The following PDE8A variants were observed in gnomAD, a reference collection of about 807,000 sequenced individuals.
PDE8A encodes high affinity cAMP-specific and IBMX-insensitive 3',5'-cyclic phosphodiesterase 8A.
PDE8A carries 59 observed loss-of-function variants against 105.0 expected under a neutral mutation model. That is an observed-to-expected ratio of 0.56 (90% CI 0.46 to 0.70). The LOEUF is 0.70. Among genes scored for constraint, PDE8A ranks in the 30% least tolerant of loss-of-function variants. PDE8A has a pLI of 0.00. For synonymous variants in PDE8A, 355 were observed against 371.9 expected, an observed-to-expected ratio of 0.95 and a Z score of 0.52; for missense variants, 1,014 against 1,045.9, an observed-to-expected ratio of 0.97 and a Z score of 0.42.
chr15:85,106,819 CG>C (rs1304988638), intron 11 of PDE8A, among the ~76,000 whole-genome samples: 2 of 152,304 alleles, frequency 1.3e-5, no homozygotes, highest in African/African-American at 4.8e-5. Context: ...ATCTCTGAGA[CG>C]CTGAAGGATT....
At chr15:85,025,794 A>G (rs535140877) in intron 1 of PDE8A, among the ~76,000 whole-genome samples, 44 of 152,316 alleles carry the variant, frequency 2.9e-4, no homozygotes, top group Middle Eastern at 6.8e-3. Context: ...ACATCAGGTT[A>G]TCCTTAGGAA....
At chr15:85,107,433 A>G (rs757368300) in intron 11 of PDE8A, among the ~76,000 whole-genome samples, 1 of 152,214 alleles carries the variant, frequency 6.6e-6, no homozygotes, top group Non-Finnish European at 1.5e-5. Context: ...CCTGCAGAGA[A>G]TAAGTTGAAA....
At chr15:85,004,102 TAAG>T (rs2080108344) in intron 1 of PDE8A, among the ~76,000 whole-genome samples, 1 of 152,230 alleles carries the variant, frequency 6.6e-6, no homozygotes, top group Admixed American at 6.5e-5. Context: ...GTGTGCCCAA[TAAG>T]AAGAGGAACT....
intron 20 of PDE8A, among the ~76,000 whole-genome samples, chr15:85,130,314 A>AGGG (rs2141646626): frequency 6.6e-6 from 1 of 152,292 alleles, no homozygotes; most frequent in South Asian, 2.1e-4. Context: ...TGTGATTTGG[A>AGGG]GGGGACAGAC....
At chr15:85,094,189 TC>T (rs144608725) in intron 8 of PDE8A, among the ~76,000 whole-genome samples, 3 of 152,046 alleles carry the variant, frequency 2.0e-5, no homozygotes. Flanking sequence ...ATTTTTTTTT[TC>T]CCTCCCTCAG....
intron 1 of PDE8A, among the ~76,000 whole-genome samples, chr15:85,035,197 CTTTTTTTTTTTTTTTTTTT>C (rs35548176): frequency 1.7e-5 from 1 of 57,766 alleles, no homozygotes; most frequent in Non-Finnish European, 3.0e-5. Context: ...TGGGTATTTC[CTTTTTTTTTTTTTTTTTTT>C]TTTTTTTTTG....
intron 20 of PDE8A, among the ~76,000 whole-genome samples, chr15:85,133,788 C>T (rs1054609502): frequency 3.3e-5 from 5 of 152,154 alleles, no homozygotes; most frequent in African/African-American, 1.2e-4. Context: ...TATAGCCACC[C>T]TGTCTCTTGA....
chr15:85,031,986 C>G (rs1210137507), intron 1 of PDE8A, among the ~76,000 whole-genome samples: 1 of 152,162 alleles, frequency 6.6e-6, no homozygotes, highest in Non-Finnish European at 1.5e-5. Flanking sequence ...TGGCACACAC[C>G]AGTGCTTTGT....
intron 1 of PDE8A, among the ~76,000 whole-genome samples, chr15:85,024,899 TG>T (rs2080488865): frequency 6.6e-6 from 1 of 152,218 alleles, no homozygotes; most frequent in African/African-American, 2.4e-5. Flanking sequence ...AGCTTACCAA[TG>T]CTCCAGATAC....
At chr15:85,104,109 G>A (rs567864297) in intron 11 of PDE8A, among the ~76,000 whole-genome samples, 1 of 152,358 alleles carries the variant, frequency 6.6e-6, no homozygotes, top group East Asian at 1.9e-4. Context: ...ACACCAAATT[G>A]TAGTGACAAC....
chr15:85,049,216 C>T (rs1488412372), intron 1 of PDE8A, among the ~76,000 whole-genome samples: 5 of 152,144 alleles, frequency 3.3e-5, no homozygotes, highest in Non-Finnish European at 7.4e-5. Flanking sequence ...ACCATCTTAA[C>T]CAGTTTTAAG....
intron 7 of PDE8A, among the ~76,000 whole-genome samples, chr15:85,090,290 G>C (rs2081620124): frequency 6.6e-6 from 1 of 152,200 alleles, no homozygotes; most frequent in African/African-American, 2.4e-5. Flanking sequence ...ACAACAGCCT[G>C]CCTTTTGTAA....
At chr15:85,031,002 A>G (rs930926650) in intron 1 of PDE8A, among the ~76,000 whole-genome samples, 2 of 152,258 alleles carry the variant, frequency 1.3e-5, no homozygotes, top group African/African-American at 4.8e-5. Context: ...ATCAGTACTC[A>G]GTATACGTTT....
chr15:85,100,755 A>T (rs533846093), intron 11 of PDE8A, among the ~76,000 whole-genome samples: 1 of 152,286 alleles, frequency 6.6e-6, no homozygotes, highest in African/African-American at 2.4e-5. Flanking sequence ...GCCCTCACAG[A>T]TGAAGGGGCT....
At chr15:85,129,512 A>G (rs183759919) in intron 20 of PDE8A, among the ~76,000 whole-genome samples, 19 of 152,260 alleles carry the variant, frequency 1.2e-4, no homozygotes, top group Non-Finnish European at 1.9e-4. Context: ...TCAGTTGTTC[A>G]TGGTACTCTC....
intron 1 of PDE8A, among the ~76,000 whole-genome samples, chr15:85,006,203 T>C (rs2080144439): frequency 6.6e-6 from 1 of 152,106 alleles, no homozygotes; most frequent in Non-Finnish European, 1.5e-5. Flanking sequence ...GCATGGCACA[T>C]GTATACATAT....
intron 1 of PDE8A, among the ~76,000 whole-genome samples, chr15:85,041,526 A>G (rs963190646): frequency 6.6e-6 from 1 of 152,238 alleles, no homozygotes; most frequent in African/African-American, 2.4e-5. Flanking sequence ...ACTTATGACT[A>G]CTACGATGTT....
intron 1 of PDE8A, among the ~76,000 whole-genome samples, chr15:85,042,284 C>T (rs1395672469): frequency 6.6e-6 from 1 of 152,050 alleles, no homozygotes; most frequent in African/African-American, 2.4e-5. Flanking sequence ...TCAATTGATC[C>T]TCTCACTTCA....
chr15:84,982,138 G>C lies in PDE8A; in HGVS notation c.-25G>C. On this transcript the variant is annotated 5_prime_UTR_variant, in exon 1 of 22. Transcript: ENST00000394553. ...CTGACCGGATCGCGGCTACCCGCCA[G>C]CGTGTCCGCGGCGCCGCCGCCAGCA... is the stretch of plus-strand genomic sequence containing the variant. The C allele has an allele frequency of 7.7e-7, 1 of 1,300,040 alleles. No individual in the cohort carries two copies. Among genetic ancestry groups the C allele is most frequent in the Non-Finnish European group, 9.7e-7 (1 of 1,027,550 alleles). 80.5% of individuals were successfully genotyped at this position (1,300,040 alleles called of 1,614,324 possible). A position where few individuals can be genotyped will look rare whatever the true frequency, so the allele number is the denominator to read the frequency against.
Sources: gnomAD v4.1 joint callset for allele counts (sites outside exome capture counted in the v4.1 genomes callset) on GRCh38, gnomAD v4.1.1 for gene constraint, MANE v1.5 for transcripts, NCBI Gene and HGNC (gene_info 2026-07-23, HGNC 2026-07-21) for gene names.